Variants in GBP3 observed in about 807,000 individuals in gnomAD.
GBP3 encodes guanylate binding protein 3.
In GBP3, 55 loss-of-function variants were observed where a neutral mutation model predicts 62.4. The ratio of observed to expected loss-of-function variants is 0.88; its 90% CI spans 0.71 to 1.10. The LOEUF (loss-of-function observed/expected upper bound fraction) is 1.10. Among genes scored for constraint, GBP3 ranks in the 50% least tolerant of loss-of-function variants. The pLI is 0.00. For missense variants in GBP3, 605 were observed against 690.6 expected (o/e 0.88, Z 1.39); for synonymous variants, 208 against 259.2 (o/e 0.80, Z 1.90).
chr1:89,020,713 T>C lies in GBP3; in HGVS notation c.9A>G (p.Pro3=), dbSNP rs778020184. The change falls in exon 2 of 11, where the codon CCA becomes CCG. Residue 3 remains proline (P), a synonymous_variant. Coordinates refer to ENST00000370481, the MANE Select transcript of GBP3 (RefSeq NM_018284.3). ...ACATTGGGCCTGTCATGTGGATCTCTGGAGCCATGTCCAGGGCATTGTTCT... is the reference window on the plus strand; with the variant it reads ...ACATTGGGCCTGTCATGTGGATCTCCGGAGCCATGTCCAGGGCATTGTTCT... The part of the protein sequence containing the change: MA[P]EIHMTGPMCL... 3.1e-6 allele frequency: 5 copies of C among 1,613,752 alleles called. No homozygotes were observed. Among genetic ancestry groups the C allele is most frequent in the African/African-American group, 1.3e-5 (1 of 74,924 alleles).
chr1:89,012,617 C>T (rs978871459), intron 6 of GBP3, among the ~76,000 whole-genome samples: 2 of 138,262 alleles, frequency 1.4e-5, no homozygotes, highest in African/African-American at 5.0e-5. Flanking sequence ...TTTACATTTA[C>T]ATTTAGATAG....
At chr1:89,009,535 C>G (rs1171677262) in intron 8 of GBP3, 41 bp from the exon 9 acceptor site, 1 of 1,608,294 alleles carries the variant, frequency 6.2e-7, no homozygotes, top group East Asian at 2.2e-5. Flanking sequence ...TAGGAAATGG[C>G]TGTAAGCAGG....
At position 89,009,033 on chromosome 1, in the gene GBP3, G is replaced by A; in HGVS notation, c.1573C>T (p.His525Tyr). Reference sequence around the variant, plus strand: ...ATCTTCTCAGTCAATTGTTTCACATGTTCTTGATAACTCTTCTCTTTCTCT... The same window carrying A: ...ATCTTCTCAGTCAATTGTTTCACATATTCTTGATAACTCTTCTCTTTCTCT... ...MEEKEKSYQEHVKQLTEKMER... is the reference protein window; with the variant it reads ...MEEKEKSYQEYVKQLTEKMER... Residue 525 changes from histidine to tyrosine, a missense_variant, in exon 10 of 11, where the codon CAT (histidine) becomes TAT (tyrosine). This residue lies in a region of GBP3 where 160 missense variants were observed against 147.8 expected (regional missense o/e 1.08). Coordinates refer to ENST00000370481, the MANE Select transcript of GBP3 (RefSeq NM_018284.3). The A allele has an allele frequency of 6.2e-7, 1 of 1,614,150 alleles. No individual in the cohort carries two copies. The highest frequency in any genetic ancestry group is 8.5e-7 in the Non-Finnish European group (1 of 1,179,992).
intron 6 of GBP3, 59 bp downstream of exon 6, chr1:89,013,126 T>C (rs2101141299): frequency 6.4e-7 from 1 of 1,571,060 alleles, no homozygotes; most frequent in African/African-American, 1.3e-5. Context: ...GCATGAACCA[T>C]CATGCCTGGC....
chr1:89,007,169 C>T lies in GBP3; in HGVS notation c.*555G>A, dbSNP rs1046569364. On this transcript the variant is annotated 3_prime_UTR_variant, in exon 11 of 11. Transcript: ENST00000370481. The stretch of plus-strand genomic sequence containing the variant: ...CAATTTGTTTATGATTCAATTCCTA[C>T]TCTTGCTAATGATTTCTTTACCTTC... 1 of 152,282 alleles carries T rather than the reference C, an allele frequency of 6.6e-6. No individual in the cohort carries two copies. Among genetic ancestry groups the T allele is most frequent in the Non-Finnish European group, 1.5e-5 (1 of 68,026 alleles). 9.4% of individuals were successfully genotyped at this position (152,282 alleles called of 1,614,324 possible). A position where few individuals can be genotyped will look rare whatever the true frequency, so the allele number is the denominator to read the frequency against.
chr1:89,017,969 C>G (rs1678977605), intron 2 of GBP3, among the ~76,000 whole-genome samples: 1 of 151,840 alleles, frequency 6.6e-6, no homozygotes, highest in Non-Finnish European at 1.5e-5. Flanking sequence ...ATCTCACCTA[C>G]TTGGGAGGCT....
intron 1 of GBP3, among the ~76,000 whole-genome samples, chr1:89,021,541 CA>C (rs1557734697): frequency 4.9e-4 from 71 of 146,356 alleles, no homozygotes; most frequent in East Asian, 8.0e-4. Context: ...CACACACACA[CA>C]CACCCCAAAA....
intron 2 of GBP3, among the ~76,000 whole-genome samples, chr1:89,015,876 A>G (rs12089648): frequency 0.078 from 11,944 of 152,158 alleles, 1,569 homozygotes; most frequent in African/African-American, 0.27. Context: ...TTCCTCTAAT[A>G]TGGGAACAAG....
chr1:89,015,181 G>A (rs1678818326), intron 3 of GBP3, 106 bp downstream of exon 3: 1 of 1,196,076 alleles, frequency 8.4e-7, no homozygotes, highest in African/African-American at 1.5e-5. Context: ...GAAATGAAAA[G>A]ACAAATTATA....
Position 89,007,858 on chromosome 1 carries a change from A to G in GBP3, c.1660-6T>C, listed in dbSNP as rs774272519. On this transcript the variant is annotated splice_region_variant and splice_polypyrimidine_tract_variant and intron_variant, in intron 10 of 10. Coordinates refer to ENST00000370481, the MANE Select transcript of GBP3 (RefSeq NM_018284.3). Reference sequence around the variant, plus strand: ...TTTAGTACTCGGGCCTGTTCCTAAAAAGGGACAAATGGAGGCTAAATAAGT... The same window carrying G: ...TTTAGTACTCGGGCCTGTTCCTAAAGAGGGACAAATGGAGGCTAAATAAGT... 4 of 1,610,096 alleles carry G rather than the reference A, an allele frequency of 2.5e-6. No individual in the cohort carries two copies. The Admixed American group carries it at 6.7e-5, about 27-fold the overall frequency.
rs1679313135 is a variant in GBP3 at position 89,022,696 on chromosome 1, C to T, written c.-35G>A. The T allele has an allele frequency of 6.6e-6, 1 of 152,226 alleles. No homozygotes were observed. Among genetic ancestry groups the T allele is most frequent in the Admixed American group, 6.5e-5 (1 of 15,282 alleles). The allele number at this position is 152,226 out of a possible 1,614,324, so 9.4% of individuals were successfully genotyped here. On this transcript the variant is annotated 5_prime_UTR_variant, in exon 1 of 11. Coordinates refer to ENST00000370481, the MANE Select transcript of GBP3 (RefSeq NM_018284.3). The stretch of plus-strand genomic sequence containing the variant: ...TAGGAGTTCTTACCTGTGCTTTTAT[C>T]TTCAGTCCAGGTAAAGTTGTTTCTG...
At position 89,012,020 on chromosome 1, in the gene GBP3, C is replaced by T. The variant is rs112883001; in HGVS notation, c.876G>A (p.Glu292=). The T allele has an allele frequency of 1.6e-5, 23 of 1,460,652 alleles. 3 individuals are homozygous for T. The African/African-American group carries it at 1.8e-4, about 11-fold the overall frequency. 90.5% of individuals were successfully genotyped at this position (1,460,652 alleles called of 1,614,324 possible). ...CATTGATATAGGTCAGCACTAGGCT[C>T]TCTAGACCTACATACAAAGAAGAAA... ...GGIKVNGPRL[E]SLVLTYINAI... Residue 292 remains glutamate (E), a synonymous_variant, in exon 7 of 11, where the codon GAG becomes GAA. Transcript: ENST00000370481.
chr1:89,021,332 C>G lies in GBP3; in HGVS notation c.-22-589G>C, dbSNP rs149114934. ...TTGCAAATTCTATACAACTACATAACCATGTGAAACACATGGCTAGGGACC... is the reference window on the plus strand; with the variant it reads ...TTGCAAATTCTATACAACTACATAAGCATGTGAAACACATGGCTAGGGACC... On this transcript the variant is annotated intron_variant, in intron 1 of 10. Transcript: ENST00000370481. 4.4e-3 allele frequency among the ~76,000 whole-genome samples: 670 copies of G among 152,208 alleles called. 5 individuals are homozygous for G. The highest frequency in any genetic ancestry group is 0.015 in the African/African-American group (630 of 41,528).
chr1:89,013,061 C>T, intron 6 of GBP3, 124 bp downstream of exon 6: 1 of 1,084,438 alleles, frequency 9.2e-7, no homozygotes, highest in East Asian at 2.4e-5. Flanking sequence ...TGGTCTCAAA[C>T]TCCTGGCCTC....
intron 8 of GBP3, among the ~76,000 whole-genome samples, chr1:89,010,693 G>C (rs1570888744): frequency 7.2e-6 from 1 of 138,956 alleles, no homozygotes; most frequent in Non-Finnish European, 1.7e-5. Flanking sequence ...TTACAGGCTT[G>C]AGCCACCGCA....
Position 89,021,544 on chromosome 1 carries a change from A to ACACCCC in GBP3, c.-22-802_-22-801insGGGGTG, listed in dbSNP as rs761151308. ...CACACACACACACACACACACACAC[A>ACACCCC]CCCCAAAAAAACCAAACCAAACAAA... is the stretch of plus-strand genomic sequence containing the variant. On this transcript the variant is annotated intron_variant, in intron 1 of 10. Coordinates refer to ENST00000370481, the MANE Select transcript of GBP3 (RefSeq NM_018284.3). Among the ~76,000 whole-genome samples the ACACCCC allele has an allele frequency of 1.9e-3, 264 of 141,020 alleles. 1 individual carries two copies. Among genetic ancestry groups the ACACCCC allele is most frequent in the South Asian group, 0.01 (42 of 4,186 alleles). 92.5% of individuals were successfully genotyped at this position (141,020 alleles called of 152,430 possible). A position where few individuals can be genotyped will look rare whatever the true frequency, so the allele number is the denominator to read the frequency against.
chr1:89,019,942 A>C (rs1679088296), intron 2 of GBP3, among the ~76,000 whole-genome samples: 1 of 152,256 alleles, frequency 6.6e-6, no homozygotes, highest in South Asian at 2.1e-4. Flanking sequence ...AAGAAAATCC[A>C]ATACAGACTG....
At chr1:89,020,465 T>G in intron 2 of GBP3, 67 bp downstream of exon 2, 1 of 1,585,236 alleles carries the variant, frequency 6.3e-7, no homozygotes, top group Non-Finnish European at 8.7e-7. Flanking sequence ...CCTCACATCC[T>G]CATAATGGAT....
chr1:89,019,092 A>T (rs947972928), intron 2 of GBP3, among the ~76,000 whole-genome samples: 1 of 152,248 alleles, frequency 6.6e-6, no homozygotes, highest in Non-Finnish European at 1.5e-5. Flanking sequence ...TGACTATATG[A>T]GCCATCAGTT....
Sources: allele counts gnomAD v4.1 joint callset (sites outside exome capture counted in the v4.1 genomes callset), GRCh38; gene constraint gnomAD v4.1.1; regional missense constraint gnomAD v4.1.1; transcripts MANE v1.5; gene names NCBI Gene and HGNC (gene_info 2026-07-23, HGNC 2026-07-21).